SHTN1: variants seen among roughly 807,000 people sequenced by gnomAD.
The protein encoded by SHTN1 is shootin-1.
Under a neutral mutation model 83.1 loss-of-function variants are expected in SHTN1, and 42 were observed. That is an observed-to-expected ratio of 0.51 (90% confidence interval 0.39 to 0.65). SHTN1 has a LOEUF of 0.65. SHTN1 is among the 30% of genes least tolerant of loss of function. The pLI is 0.00. For synonymous variants in SHTN1, 224 were observed against 247.7 expected, an observed-to-expected ratio of 0.90 and a Z score of 0.90; for missense variants, 622 against 737.8, an observed-to-expected ratio of 0.84 and a Z score of 1.82.
rs1183232408 is a variant in SHTN1 at position 117,060,090 on chromosome 10, G to A, written c.-188-11580C>T. The stretch of plus-strand genomic sequence containing the variant: ...TAGCCAGGCATGGTGGTGCATGCCC[G>A]TAGTCCTAGCTCCTCAGGAAGCTGA... On this transcript the variant is annotated intron_variant, in intron 1 of 17. Transcript: ENST00000392901. Among the ~76,000 whole-genome samples, 6 of 152,026 alleles carry A rather than the reference G, an allele frequency of 3.9e-5. No homozygotes were observed. In the East Asian group the frequency reaches 5.8e-4, roughly 15 times the overall value.
chr10:116,992,193 C>CA (rs769686709), intron 1 of SHTN1, among the ~76,000 whole-genome samples: 1 of 152,050 alleles, frequency 6.6e-6, no homozygotes, highest in Non-Finnish European at 1.5e-5. Context: ...ATTCCAAAGG[C>CA]AAACAGCACT....
In SHTN1 at chr10:116,906,656, C is replaced by T. The variant is rs954569687; in HGVS notation, c.1451G>A (p.Arg484Lys). 2.5e-6 allele frequency: 4 copies of T among 1,613,392 alleles called. No homozygotes were observed. The Admixed American group carries it at 5.0e-5, about 20-fold the overall frequency. ...ETELERILRR[R>K]KVTAEADSSS... ...GCTATCTGCTTCTGCTGTCACCTTT[C>T]TGCGACGCAAAATCCTTTCTAACTC... The change falls in exon 15 of 17, where the codon AGA becomes AAA. Residue 484 changes from arginine to lysine, a missense_variant. Around this residue, in one of 3 missense-constraint regions of SHTN1, gnomAD observed 231 missense variants for 251.6 expected, o/e 0.92. Transcript: ENST00000355371.
In SHTN1 at chr10:116,885,517, C is replaced by T. The variant is rs1847140022; in HGVS notation, c.*827G>A. The stretch of plus-strand genomic sequence containing the variant: ...TGAAGCAAGAAAAATGTGTGCTTGT[C>T]ACTTATCTTCACCATACTGTACATA... On this transcript the variant is annotated 3_prime_UTR_variant, in exon 17 of 17. Transcript: ENST00000355371. 6.6e-6 allele frequency: 1 copy of T among 152,534 alleles called. No homozygotes were observed. Among genetic ancestry groups the T allele is most frequent in the Non-Finnish European group, 1.5e-5 (1 of 68,032 alleles). The allele number at this position is 152,534 out of a possible 1,614,324, so 9.4% of individuals were successfully genotyped here.
At chr10:116,907,837 G>T in intron 14 of SHTN1, 1 of 512,320 alleles carries the variant, frequency 2.0e-6, no homozygotes, top group South Asian at 1.4e-5. Context: ...GTCCACCAAG[G>T]CTAATAATCT....
chr10:117,110,464 G>A (rs567767347), intron 1 of SHTN1, among the ~76,000 whole-genome samples: 1 of 152,028 alleles, frequency 6.6e-6, no homozygotes, highest in Non-Finnish European at 1.5e-5. Context: ...AAATTCTCCT[G>A]CCTCAGTCTC....
At chr10:117,028,622 A>G (rs1379732804) in intron 2 of SHTN1, among the ~76,000 whole-genome samples, 1 of 151,554 alleles carries the variant, frequency 6.6e-6, no homozygotes, top group African/African-American at 2.4e-5. Context: ...AGTTCCACCC[A>G]TGGTTCAAAG....
intron 7 of SHTN1, among the ~76,000 whole-genome samples, chr10:116,947,717 T>C (rs1171276032): frequency 3.9e-5 from 6 of 152,154 alleles, no homozygotes; most frequent in Non-Finnish European, 8.8e-5. Context: ...CTGAAAGAAA[T>C]CAGGTTGGTC....
chr10:117,026,902 G>A (rs547578874), intron 2 of SHTN1, among the ~76,000 whole-genome samples: 72 of 152,312 alleles, frequency 4.7e-4, no homozygotes, highest in Middle Eastern at 3.4e-3. Context: ...GTGGTAGCCA[G>A]GGAGTGGGTG....
At chr10:116,995,046 A>G (rs1308764807) in intron 1 of SHTN1, among the ~76,000 whole-genome samples, 2 of 152,118 alleles carry the variant, frequency 1.3e-5, no homozygotes, top group Non-Finnish European at 2.9e-5. Context: ...TTAAATTGTT[A>G]TATCTCACAA....
At chr10:117,086,256 A>C (rs940021143) in intron 1 of SHTN1, among the ~76,000 whole-genome samples, 2 of 152,210 alleles carry the variant, frequency 1.3e-5, no homozygotes, top group African/African-American at 4.8e-5. Context: ...TAATATAGCT[A>C]TGCCAACTTT....
chr10:116,890,620 C>T (rs765245811), intron 16 of SHTN1, among the ~76,000 whole-genome samples: 27 of 152,210 alleles, frequency 1.8e-4, no homozygotes, highest in Admixed American at 4.6e-4. Flanking sequence ...AAAATAAAAG[C>T]TACGAGAAAT....
At position 116,999,683 on chromosome 10, in the gene SHTN1, G is replaced by C. The variant is rs572454430; in HGVS notation, c.58+5339C>G. Among the ~76,000 whole-genome samples, 4 of 152,350 alleles carry C rather than the reference G, an allele frequency of 2.6e-5. No homozygotes were observed. The South Asian group carries it at 8.3e-4, about 32-fold the overall frequency. On this transcript the variant is annotated intron_variant, in intron 1 of 16. Transcript: ENST00000355371. Reference sequence around the variant, plus strand: ...TAATCCCAGCACTTTGGGAGGCCTAGGCGGGTGGATCACAAGGTCAGGAGT... The same window carrying C: ...TAATCCCAGCACTTTGGGAGGCCTACGCGGGTGGATCACAAGGTCAGGAGT...
At chr10:116,888,253 G>A (rs1847224315) in intron 16 of SHTN1, among the ~76,000 whole-genome samples, 1 of 152,192 alleles carries the variant, frequency 6.6e-6, no homozygotes, top group Non-Finnish European at 1.5e-5. Context: ...CCAGACATCT[G>A]CCGCTATGCT....
intron 2 of SHTN1, among the ~76,000 whole-genome samples, chr10:117,037,741 C>T (rs1279330427): frequency 2.6e-5 from 4 of 152,108 alleles, no homozygotes; most frequent in Admixed American, 1.3e-4. Context: ...GGTGTGGTGG[C>T]TCACATCTGC....
At chr10:116,891,566 AG>A (rs1293054660) in intron 16 of SHTN1, among the ~76,000 whole-genome samples, 2 of 152,224 alleles carry the variant, frequency 1.3e-5, no homozygotes, top group African/African-American at 4.8e-5. Context: ...AACTCCAAAG[AG>A]GAAGTTCCTT....
chr10:117,068,712 C>G (rs574249358), intron 1 of SHTN1, among the ~76,000 whole-genome samples: 2 of 151,966 alleles, frequency 1.3e-5, no homozygotes, highest in African/African-American at 4.8e-5. Flanking sequence ...CTTAGGTATA[C>G]AAATGGCACA....
At chr10:117,084,661 T>G (rs2133614902) in intron 1 of SHTN1, among the ~76,000 whole-genome samples, 1 of 152,082 alleles carries the variant, frequency 6.6e-6, no homozygotes, top group Non-Finnish European at 1.5e-5. Flanking sequence ...CAGTTTGATC[T>G]CAGACTGCTG....
At chr10:116,977,743 T>A (rs954184304) in intron 2 of SHTN1, among the ~76,000 whole-genome samples, 1 of 152,028 alleles carries the variant, frequency 6.6e-6, no homozygotes, top group African/African-American at 2.4e-5. Flanking sequence ...GGTGCAATCA[T>A]GGCTCACTGC....
intron 1 of SHTN1, among the ~76,000 whole-genome samples, chr10:117,115,254 C>T (rs1853829702): frequency 1.3e-5 from 2 of 152,128 alleles, no homozygotes; most frequent in Admixed American, 6.5e-5. Context: ...TCTCTCTCTC[C>T]TATGGGCAAG....
Sources: gnomAD v4.1 joint callset for allele counts (sites outside exome capture counted in the v4.1 genomes callset) on GRCh38, gnomAD v4.1.1 for gene constraint, gnomAD v4.1.1 regional missense constraint, MANE v1.5 for transcripts, NCBI Gene and HGNC (gene_info 2026-07-23, HGNC 2026-07-21) for gene names.